ZNF536: variants seen among roughly 807,000 people sequenced by gnomAD.
ZNF536 encodes zinc finger protein 536.
ZNF536 carries 13 observed loss-of-function variants against 84.5 expected under a neutral mutation model. The ratio of observed to expected loss-of-function variants is 0.15; its 90% CI spans 0.10 to 0.24. The LOEUF (loss-of-function observed/expected upper bound fraction) is 0.24, where lower values mean the gene tolerates loss of function less well. Among genes scored for constraint, ZNF536 ranks in the 10% least tolerant of loss-of-function variants. The probability of loss-of-function intolerance (pLI) is 1.00; values close to 1 mark genes in which losing one functional copy is unlikely to be tolerated. For synonymous variants in ZNF536, 811 were observed against 742.5 expected (o/e 1.09, Z -1.50); for missense variants, 1,536 against 1,747.5 (o/e 0.88, Z 2.16).
chr19:30,467,427 G>C (rs541081573), intron 2 of ZNF536, among the ~76,000 whole-genome samples: 1 of 152,326 alleles, frequency 6.6e-6, no homozygotes, highest in East Asian at 1.9e-4. Flanking sequence ...ATTCATTCAT[G>C]TTGCAGCCTG....
intron 1 of ZNF536, among the ~76,000 whole-genome samples, chr19:30,440,848 A>G (rs2052003480): frequency 6.6e-6 from 1 of 152,110 alleles, no homozygotes; most frequent in Non-Finnish European, 1.5e-5. Flanking sequence ...TAAAGACCTT[A>G]AAGAGATTAC....
intron 4 of ZNF536, among the ~76,000 whole-genome samples, chr19:30,552,908 C>A (rs956925227): frequency 6.6e-6 from 1 of 152,174 alleles, no homozygotes; most frequent in African/African-American, 2.4e-5. Context: ...GAGGTTAAGC[C>A]ATCTTGGATT....
At chr19:30,698,137 C>A (rs762437109) in intron 1 of ZNF536, among the ~76,000 whole-genome samples, 1 of 152,074 alleles carries the variant, frequency 6.6e-6, no homozygotes, top group Non-Finnish European at 1.5e-5. Context: ...ACTAAAAATA[C>A]AAAAATTAGC....
rs547697342 is a variant in ZNF536, at chr19:30,348,987, G to A, written c.-119-3381G>A. ...GCAATCGTAATAATCTTGAGTGCAAGCCAGGCTAAGAATGACACAAAGGGA... is the reference window on the plus strand; with the variant it reads ...GCAATCGTAATAATCTTGAGTGCAAACCAGGCTAAGAATGACACAAAGGGA... On this transcript the variant is annotated intron_variant, in intron 2 of 5. Coordinates refer to the ZNF536 transcript ENST00000585628. 4.6e-5 allele frequency among the ~76,000 whole-genome samples: 7 copies of A among 152,214 alleles called. No individual in the cohort carries two copies. The East Asian group carries it at 1.4e-3, about 29-fold the overall frequency.
intron 1 of ZNF536, among the ~76,000 whole-genome samples, chr19:30,682,137 T>G (rs1298055964): frequency 6.6e-6 from 1 of 152,056 alleles, no homozygotes; most frequent in African/African-American, 2.4e-5. Flanking sequence ...AAGCTGCATC[T>G]TCAAATCTCC....
intron 2 of ZNF536, among the ~76,000 whole-genome samples, chr19:30,285,663 G>T (rs943008254): frequency 6.6e-6 from 1 of 152,150 alleles, no homozygotes; most frequent in Non-Finnish European, 1.5e-5. Context: ...TCCTCTAGCT[G>T]TGGCCAAGCC....
At chr19:30,603,856 TA>T (rs750993767) in intron 1 of ZNF536, among the ~76,000 whole-genome samples, 2 of 151,832 alleles carry the variant, frequency 1.3e-5, no homozygotes. Flanking sequence ...TTGGGAGGCC[TA>T]GGGGGGTGGA....
At chr19:30,271,294 C>CTTTTTTTTT (rs879683203) in intron 1 of ZNF536, among the ~76,000 whole-genome samples, 6 of 103,196 alleles carry the variant, frequency 5.8e-5, no homozygotes, top group Admixed American at 1.1e-4. Context: ...GTGTTTTTTT[C>CTTTTTTTTT]TTTTCTTTTT....
intron 1 of ZNF536, among the ~76,000 whole-genome samples, chr19:30,648,496 C>T (rs2049564662): frequency 6.6e-6 from 1 of 152,166 alleles, no homozygotes; most frequent in African/African-American, 2.4e-5. Context: ...AGGTGTGAGC[C>T]CCCACCCCTC....
chr19:30,528,168 A>G (rs1378241052), intron 2 of ZNF536, among the ~76,000 whole-genome samples: 1 of 152,138 alleles, frequency 6.6e-6, no homozygotes, highest in Admixed American at 6.5e-5. Flanking sequence ...CACCTTACCC[A>G]TGCGTGCTTG....
chr19:30,570,433 C>T lies in ZNF536; in HGVS notation c.169+20919C>T, dbSNP rs372808375. On this transcript the variant is annotated intron_variant, in intron 1 of 1. Coordinates refer to the ZNF536 transcript ENST00000592773. ...CAGCCGGGAGCCAGCCTTTTCTTCT[C>T]CCTGTGAGTGATAGCAAGCCCACGT... 5.3e-5 allele frequency among the ~76,000 whole-genome samples: 8 copies of T among 152,292 alleles called. No individual in the cohort carries two copies. The East Asian group carries it at 1.5e-3, about 29-fold the overall frequency.
At chr19:30,378,509 T>C (rs2048898701) in intron 1 of ZNF536, among the ~76,000 whole-genome samples, 1 of 152,206 alleles carries the variant, frequency 6.6e-6, no homozygotes, top group Non-Finnish European at 1.5e-5. Context: ...TTGGCCAGGT[T>C]GGTCTCGAAC....
chr19:30,606,520 G>A (rs1012621544), intron 1 of ZNF536, among the ~76,000 whole-genome samples: 27 of 152,160 alleles, frequency 1.8e-4, no homozygotes, highest in African/African-American at 6.5e-4. Flanking sequence ...GCCACCTGAA[G>A]TAAGCAGGGC....
intron 1 of ZNF536, among the ~76,000 whole-genome samples, chr19:30,390,943 G>A (rs1457992592): frequency 6.6e-6 from 1 of 152,208 alleles, no homozygotes; most frequent in African/African-American, 2.4e-5. Flanking sequence ...TCTCAACACA[G>A]CACTTTATAA....
intron 4 of ZNF536, among the ~76,000 whole-genome samples, chr19:30,552,667 C>A (rs1732717559): frequency 6.6e-6 from 1 of 152,174 alleles, no homozygotes; most frequent in African/African-American, 2.4e-5. Flanking sequence ...TCCTTGGTGC[C>A]ATAGAGCCAG....
chr19:30,624,116 T>C (rs1406629621), intron 1 of ZNF536, among the ~76,000 whole-genome samples: 8 of 152,098 alleles, frequency 5.3e-5, no homozygotes, highest in Admixed American at 5.2e-4. Flanking sequence ...GGGGTGTGGG[T>C]ATGCCTTGGG....
intron 1 of ZNF536, among the ~76,000 whole-genome samples, chr19:30,435,764 C>T (rs1240167733): frequency 6.6e-6 from 1 of 152,086 alleles, no homozygotes; most frequent in African/African-American, 2.4e-5. Context: ...GGGATCCAGA[C>T]CAGAAGTCTT....
chr19:30,597,130 G>C (rs969455374), intron 1 of ZNF536, among the ~76,000 whole-genome samples: 7 of 152,328 alleles, frequency 4.6e-5, no homozygotes, highest in African/African-American at 1.7e-4. Flanking sequence ...CTGTCCCTGG[G>C]AAAGATCCCT....
intron 2 of ZNF536, among the ~76,000 whole-genome samples, chr19:30,491,341 A>G (rs2054501584): frequency 6.6e-6 from 1 of 152,114 alleles, no homozygotes; most frequent in Admixed American, 6.5e-5. Flanking sequence ...TTCTGGGTTA[A>G]GATTGTTCTT....
Sources: gnomAD v4.1 joint callset for allele counts (sites outside exome capture counted in the v4.1 genomes callset) on GRCh38, gnomAD v4.1.1 for gene constraint, MANE v1.5 for transcripts, NCBI Gene and HGNC (gene_info 2026-07-23, HGNC 2026-07-21) for gene names.